The following CEP112 variants were observed in gnomAD, a reference collection of about 807,000 sequenced individuals.
CEP112 encodes centrosomal protein 112.
CEP112 carries 127 observed loss-of-function variants against 153.0 expected under a neutral mutation model. The observed-to-expected ratio is 0.83, with a 90% CI of 0.72 to 0.96. The LOEUF (loss-of-function observed/expected upper bound fraction) is 0.96, where lower values mean the gene tolerates loss of function less well. Among genes scored for constraint, CEP112 ranks in the 40% least tolerant of loss-of-function variants. The pLI, the probability that CEP112 is intolerant of heterozygous loss-of-function variation, is 0.00. For missense variants in CEP112, 1,089 were observed against 1,101.2 expected, an observed-to-expected ratio of 0.99 and a Z score of 0.16; for synonymous variants, 358 against 374.4, an observed-to-expected ratio of 0.96 and a Z score of 0.51.
At chr17:65,813,758 T>A (rs552426359) in intron 21 of CEP112, among the ~76,000 whole-genome samples, 1 of 152,338 alleles carries the variant, frequency 6.6e-6, no homozygotes, top group Non-Finnish European at 1.5e-5. Context: ...AATACACCTG[T>A]ATATTGCTTA....
At chr17:65,878,004 C>G (rs1163183007) in intron 20 of CEP112, among the ~76,000 whole-genome samples, 1 of 152,114 alleles carries the variant, frequency 6.6e-6, no homozygotes, top group African/African-American at 2.4e-5. Flanking sequence ...CTGATAGAAA[C>G]AGAGAACAGA....
intron 19 of CEP112, among the ~76,000 whole-genome samples, chr17:65,925,148 C>A (rs949950751): frequency 2.6e-5 from 4 of 152,204 alleles, no homozygotes; most frequent in Non-Finnish European, 5.9e-5. Context: ...TCCCCCCGTA[C>A]TATACTCATG....
At chr17:66,131,906 T>C (rs1043251802) in intron 5 of CEP112, among the ~76,000 whole-genome samples, 2 of 151,278 alleles carry the variant, frequency 1.3e-5, no homozygotes, top group East Asian at 2.0e-4. Flanking sequence ...CAGTGGCTCA[T>C]GCCTGTAATC....
At chr17:65,685,666 A>AT (rs2047742311) in intron 24 of CEP112, among the ~76,000 whole-genome samples, 4 of 132,992 alleles carry the variant, frequency 3.0e-5, no homozygotes, top group Non-Finnish European at 4.7e-5. Flanking sequence ...CAATAGTTCT[A>AT]ATTTTTTTTT....
intron 21 of CEP112, among the ~76,000 whole-genome samples, chr17:65,849,103 T>C (rs1005905326): frequency 2.6e-5 from 4 of 152,220 alleles, no homozygotes; most frequent in Non-Finnish European, 5.9e-5. Context: ...CTTTCGATGA[T>C]CCTGAAGCTA....
intron 24 of CEP112, among the ~76,000 whole-genome samples, chr17:65,676,182 C>G (rs1165674237): frequency 2.0e-5 from 3 of 151,862 alleles, no homozygotes; most frequent in Non-Finnish European, 4.4e-5. Context: ...ACTAAAAATA[C>G]AAAAATTAGC....
At chr17:66,150,977 C>G (rs1285269551) in intron 4 of CEP112, among the ~76,000 whole-genome samples, 1 of 152,066 alleles carries the variant, frequency 6.6e-6, no homozygotes, top group African/African-American at 2.4e-5. Flanking sequence ...TTGTGAAAGT[C>G]TATTTTATCT....
At chr17:65,920,378 T>TATATATAC (rs1375787752) in intron 19 of CEP112, among the ~76,000 whole-genome samples, 1 of 91,108 alleles carries the variant, frequency 1.1e-5, no homozygotes, top group Non-Finnish European at 2.2e-5. Context: ...TATATATATA[T>TATATATAC]ATATATATAT....
intron 6 of CEP112, among the ~76,000 whole-genome samples, chr17:66,128,699 TAAAC>T (rs2069980881): frequency 6.6e-6 from 1 of 152,198 alleles, no homozygotes; most frequent in Non-Finnish European, 1.5e-5. Context: ...TTACTTGTGT[TAAAC>T]AAACTGGGAG....
intron 17 of CEP112, among the ~76,000 whole-genome samples, chr17:66,004,630 T>C (rs2064196549): frequency 6.6e-6 from 1 of 152,216 alleles, no homozygotes; most frequent in Non-Finnish European, 1.5e-5. Context: ...GATAAAAATA[T>C]GGATGTCTTG....
At chr17:66,078,205 C>T (rs920705924) in intron 8 of CEP112, among the ~76,000 whole-genome samples, 1 of 150,600 alleles carries the variant, frequency 6.6e-6, no homozygotes. Context: ...TTTCTAGGTC[C>T]TCTATTCTGC....
At chr17:65,655,177 A>G (rs1269287395) in intron 24 of CEP112, 7 of 761,700 alleles carry the variant, frequency 9.2e-6, no homozygotes, top group Non-Finnish European at 1.7e-5. Context: ...CAGAAATCTA[A>G]TATTGACAAG....
At chr17:65,735,170 G>T (rs1841089872) in intron 23 of CEP112, among the ~76,000 whole-genome samples, 2 of 152,118 alleles carry the variant, frequency 1.3e-5, no homozygotes, top group Non-Finnish European at 2.9e-5. Flanking sequence ...TGGCTTGAAA[G>T]CTTAAATTTT....
In CEP112 at chr17:65,790,311, G is replaced by A. The variant is rs974024239; in HGVS notation, c.2395-39587C>T. On this transcript the variant is annotated intron_variant, in intron 21 of 26. Coordinates refer to ENST00000535342, the MANE Select transcript of CEP112 (RefSeq NM_001199165.4). ...CAGGGCCTGATTCAAATCCCAGCAC[G>A]GATCTATGATGGGAACTGAGACCAA... Among the ~76,000 whole-genome samples the A allele has an allele frequency of 6.6e-5, 10 of 152,060 alleles. No homozygotes were observed. In the East Asian group the frequency reaches 9.7e-4, roughly 15 times the overall value.
chr17:65,769,184 C>T (rs1404179245), intron 21 of CEP112, among the ~76,000 whole-genome samples: 1 of 151,654 alleles, frequency 6.6e-6, no homozygotes, highest in Non-Finnish European at 1.5e-5. Context: ...TTTACAATCA[C>T]ATCAAAAAAA....
rs2054788697 is a variant in CEP112 at position 65,794,508 on chromosome 17, G to T, written c.2395-43784C>A. Among the ~76,000 whole-genome samples the T allele has an allele frequency of 2.0e-5, 3 of 151,894 alleles. No homozygotes were observed. The South Asian group carries it at 6.2e-4, about 32-fold the overall frequency. On this transcript the variant is annotated intron_variant, in intron 21 of 26. Coordinates refer to ENST00000535342, the MANE Select transcript of CEP112 (RefSeq NM_001199165.4). ...ACATCCCACCACTTTACTGAAATTG[G>T]TTTACTGAGGGTCACCAATTACCTA... is the stretch of plus-strand genomic sequence containing the variant.
chr17:65,969,688 T>C (rs1045896114), intron 17 of CEP112, among the ~76,000 whole-genome samples: 3 of 152,204 alleles, frequency 2.0e-5, no homozygotes, highest in Non-Finnish European at 2.9e-5. Flanking sequence ...ATGTGTATTG[T>C]ATGCATATTA....
At chr17:65,925,568 G>A (rs1280759185) in intron 19 of CEP112, among the ~76,000 whole-genome samples, 5 of 152,096 alleles carry the variant, frequency 3.3e-5, no homozygotes, top group South Asian at 4.1e-4. Flanking sequence ...TGAAGAATGT[G>A]CCTTTAAAAT....
chr17:66,176,390 C>T (rs182792656), intron 3 of CEP112, among the ~76,000 whole-genome samples: 4 of 152,232 alleles, frequency 2.6e-5, no homozygotes, highest in Admixed American at 2.6e-4. Flanking sequence ...CAGAAAATGA[C>T]TTTCAAACTC....
Sources: gnomAD v4.1 joint callset for allele counts (sites outside exome capture counted in the v4.1 genomes callset) on GRCh38, gnomAD v4.1.1 for gene constraint, MANE v1.5 for transcripts, NCBI Gene and HGNC (gene_info 2026-07-23, HGNC 2026-07-21) for gene names.